NBAS: variants seen among roughly 807,000 people sequenced by gnomAD.
The protein encoded by NBAS is NAG/BC035112 fusion.
Under a neutral mutation model 302.5 loss-of-function variants are expected in NBAS, and 219 were observed. That is an observed-to-expected ratio of 0.72 (90% CI 0.65 to 0.81). NBAS has a LOEUF of 0.81. NBAS is among the 30% of genes least tolerant of loss of function. The probability of loss-of-function intolerance (pLI) is 0.00; values close to 1 mark genes in which losing one functional copy is unlikely to be tolerated. For missense variants in NBAS, 2,932 were observed against 2,841.6 expected (o/e 1.03, Z -0.72); for synonymous variants, 1,118 against 1,021.6 (o/e 1.09, Z -1.80).
At chr2:15,412,545 C>A (rs187495497) in intron 25 of NBAS, among the ~76,000 whole-genome samples, 2 of 152,278 alleles carry the variant, frequency 1.3e-5, no homozygotes, top group East Asian at 3.9e-4. Flanking sequence ...AATAACTGCA[C>A]CTATTACATT....
the NBAS span, among the ~76,000 whole-genome samples, chr2:14,884,268 C>T: frequency 5.1e-3 from 771 of 152,230 alleles, 3 homozygotes; most frequent in Non-Finnish European, 7.2e-3. Flanking sequence ...ATGCAAAGGA[C>T]CCTCAAGGAC....
At chr2:15,364,932 G>C (rs1470731428) in intron 32 of NBAS, among the ~76,000 whole-genome samples, 1 of 152,148 alleles carries the variant, frequency 6.6e-6, no homozygotes, top group East Asian at 1.9e-4. Context: ...TCGTAAAGCA[G>C]TAACAGATAA....
intron 51 of NBAS, among the ~76,000 whole-genome samples, chr2:15,174,508 C>G (rs1664442292): frequency 6.6e-6 from 1 of 152,250 alleles, no homozygotes. Context: ...TGGCCCAGAG[C>G]CCCCTGCAGT....
Position 15,473,286 on chromosome 2 carries a change from T to A in NBAS, c.1661A>T (p.Asp554Val). The A allele has an allele frequency of 6.2e-7, 1 of 1,614,044 alleles. No individual in the cohort carries two copies. The highest frequency in any genetic ancestry group is 8.5e-7 in the Non-Finnish European group (1 of 1,179,934). Residue 554 changes from aspartate to valine, a missense_variant, in exon 16 of 52, where the codon GAC becomes GTC. Asp to Val is a radical substitution (Grantham distance 152). Coordinates refer to ENST00000281513, the MANE Select transcript of NBAS (RefSeq NM_015909.4). Reference sequence around the variant, plus strand: ...CCTCCACTGCCTCTGATATACAAGGTCAGTATCCAGGCCGTAGGTATGAGC... The same window carrying A: ...CCTCCACTGCCTCTGATATACAAGGACAGTATCCAGGCCGTAGGTATGAGC... ...SLAHTYGLDT[D>V]LVYQRQWRKS...
chr2:15,469,991 A>C (rs1157925791), intron 16 of NBAS, among the ~76,000 whole-genome samples: 2 of 151,794 alleles, frequency 1.3e-5, no homozygotes, highest in Non-Finnish European at 2.9e-5. Flanking sequence ...TAAAATAATA[A>C]TTAAAAAATA....
At chr2:15,358,600 A>G (rs1373740717) in intron 32 of NBAS, among the ~76,000 whole-genome samples, 2 of 152,120 alleles carry the variant, frequency 1.3e-5, no homozygotes, top group Non-Finnish European at 2.9e-5. Context: ...ACATACCACT[A>G]AACCTGGCTA....
intron 50 of NBAS, among the ~76,000 whole-genome samples, chr2:15,184,677 G>C (rs1664992097): frequency 6.6e-6 from 1 of 152,198 alleles, no homozygotes; most frequent in Non-Finnish European, 1.5e-5. Flanking sequence ...ACCTCCTGCA[G>C]TGCAGTCTGG....
chr2:15,081,665 T>A, the NBAS span, among the ~76,000 whole-genome samples: 1 of 152,176 alleles, frequency 6.6e-6, no homozygotes, highest in African/African-American at 2.4e-5. Flanking sequence ...CCCAGGAACC[T>A]CTCCCTCTTC....
At chr2:15,324,017 T>C (rs1391992601) in intron 38 of NBAS, among the ~76,000 whole-genome samples, 1 of 151,584 alleles carries the variant, frequency 6.6e-6, no homozygotes, top group African/African-American at 2.4e-5. Context: ...CAGAGGTAAG[T>C]TTGAAAAAAT....
chr2:15,409,969 A>G (rs1280985900), intron 25 of NBAS, among the ~76,000 whole-genome samples: 2 of 152,162 alleles, frequency 1.3e-5, no homozygotes, highest in African/African-American at 4.8e-5. Context: ...GAGGCGTATT[A>G]ATTGAAAGCA....
chr2:15,357,849 C>G (rs1673700102), intron 32 of NBAS, among the ~76,000 whole-genome samples: 2 of 152,010 alleles, frequency 1.3e-5, no homozygotes, highest in South Asian at 4.2e-4. Context: ...TTCTCTTGTC[C>G]GACTGATCAC....
At chr2:15,430,065 C>T (rs1677684581) in intron 21 of NBAS, among the ~76,000 whole-genome samples, 1 of 152,050 alleles carries the variant, frequency 6.6e-6, no homozygotes, top group Non-Finnish European at 1.5e-5. Flanking sequence ...GACATGGCTC[C>T]TTAAGCTACA....
chr2:14,841,141 A>T, the NBAS span, among the ~76,000 whole-genome samples: 1 of 151,902 alleles, frequency 6.6e-6, no homozygotes, highest in Non-Finnish European at 1.5e-5. Context: ...TATTTATATG[A>T]TATTTTTTGA....
the NBAS span, among the ~76,000 whole-genome samples, chr2:15,058,297 G>A: frequency 1.3e-5 from 2 of 152,152 alleles, no homozygotes; most frequent in African/African-American, 4.8e-5. Flanking sequence ...CTGGCAGCTA[G>A]TGGGTAGAGG....
chr2:15,221,601 G>A (rs181731168), intron 47 of NBAS, among the ~76,000 whole-genome samples: 16 of 152,296 alleles, frequency 1.1e-4, no homozygotes, highest in African/African-American at 3.4e-4. Context: ...AACTGTTTCG[G>A]AGGAAGAGAG....
the NBAS span, among the ~76,000 whole-genome samples, chr2:15,085,154 C>A: frequency 6.6e-6 from 1 of 152,146 alleles, no homozygotes; most frequent in African/African-American, 2.4e-5. Flanking sequence ...GAGCTGGGCC[C>A]GGGGTGGTGC....
chr2:15,428,220 C>T (rs1325694050), intron 21 of NBAS, among the ~76,000 whole-genome samples: 3 of 152,180 alleles, frequency 2.0e-5, no homozygotes, highest in Admixed American at 2.0e-4. Context: ...AATACAGTAA[C>T]CACCAGCTAT....
At chr2:14,834,604 A>T in the NBAS span, among the ~76,000 whole-genome samples, 2 of 152,188 alleles carry the variant, frequency 1.3e-5, no homozygotes, top group Admixed American at 1.3e-4. Context: ...TACACACAGG[A>T]AGACTACAGT....
intron 48 of NBAS, among the ~76,000 whole-genome samples, chr2:15,195,439 T>G (rs1416893721): frequency 6.6e-6 from 1 of 152,082 alleles, no homozygotes; most frequent in African/African-American, 2.4e-5. Flanking sequence ...GGGGAAAGAT[T>G]AATGGTTGTC....
Sources: allele counts gnomAD v4.1 joint callset (sites outside exome capture counted in the v4.1 genomes callset), GRCh38; gene constraint gnomAD v4.1.1; transcripts MANE v1.5; gene names NCBI Gene and HGNC (gene_info 2026-07-23, HGNC 2026-07-21).